Variants in ZNF407 observed in about 807,000 individuals in gnomAD.
ZNF407 encodes zinc finger protein 407.
In ZNF407, 17 loss-of-function variants were observed where a neutral mutation model predicts 131.2. That is an observed-to-expected ratio of 0.13 (90% confidence interval 0.09 to 0.19). The LOEUF (loss-of-function observed/expected upper bound fraction) is 0.19. Among genes scored for constraint, ZNF407 ranks in the 10% least tolerant of loss-of-function variants. ZNF407 has a pLI of 1.00. For missense variants in ZNF407, 2,681 were observed against 2,830.6 expected, an observed-to-expected ratio of 0.95 and a Z score of 1.20; for synonymous variants, 1,156 against 1,062.0, an observed-to-expected ratio of 1.09 and a Z score of -1.72.
intron 4 of ZNF407, among the ~76,000 whole-genome samples, chr18:74,804,893 A>G (rs1352040184): frequency 1.3e-5 from 2 of 152,222 alleles, no homozygotes; most frequent in Non-Finnish European, 2.9e-5. Context: ...TGGCTGTGAC[A>G]GTTTGATTAG....
intron 7 of ZNF407, among the ~76,000 whole-genome samples, chr18:74,893,729 T>C (rs546771141): frequency 1.1e-4 from 17 of 152,302 alleles, no homozygotes; most frequent in Middle Eastern, 3.4e-3. Context: ...AATAAGTCTT[T>C]AAGATGATCA....
intron 8 of ZNF407, among the ~76,000 whole-genome samples, chr18:74,952,862 A>G (rs1972231530): frequency 1.3e-5 from 2 of 152,198 alleles, no homozygotes. Context: ...GGCCGTGAAA[A>G]TGTGTTGGGA....
chr18:74,756,687 A>G (rs1968971198), intron 3 of ZNF407, among the ~76,000 whole-genome samples: 1 of 152,120 alleles, frequency 6.6e-6, no homozygotes, highest in Non-Finnish European at 1.5e-5. Flanking sequence ...GCTATTTTAA[A>G]TTCTTCAGGA....
intron 8 of ZNF407, among the ~76,000 whole-genome samples, chr18:74,923,866 T>C (rs1158147625): frequency 1.3e-5 from 2 of 152,194 alleles, no homozygotes; most frequent in African/African-American, 4.8e-5. Context: ...GTTTTTATCT[T>C]TTACATTAAA....
intron 4 of ZNF407, among the ~76,000 whole-genome samples, chr18:74,819,961 T>C (rs533928018): frequency 4.6e-5 from 7 of 152,212 alleles, no homozygotes; most frequent in East Asian, 3.9e-4. Flanking sequence ...CAGGGCTCCA[T>C]AGGTAATTAT....
chr18:74,989,842 CAA>C (rs34483149), intron 8 of ZNF407, among the ~76,000 whole-genome samples: 43 of 103,446 alleles, frequency 4.2e-4, no homozygotes, highest in African/African-American at 7.6e-4. Context: ...AACTCTGTCT[CAA>C]AAAAAAAAAA....
intron 8 of ZNF407, among the ~76,000 whole-genome samples, chr18:75,023,957 C>T (rs1373194425): frequency 3.9e-5 from 6 of 152,086 alleles, no homozygotes; most frequent in South Asian, 2.1e-4. Context: ...CTCTTCAGAA[C>T]GCACTGTGCT....
intron 3 of ZNF407, among the ~76,000 whole-genome samples, chr18:74,656,343 G>A (rs1252873797): frequency 6.6e-6 from 1 of 151,828 alleles, no homozygotes; most frequent in Non-Finnish European, 1.5e-5. Flanking sequence ...ATATGTTAGC[G>A]TTCACATACA....
chr18:74,858,579 G>A (rs117175546), intron 4 of ZNF407, among the ~76,000 whole-genome samples: 1,874 of 152,274 alleles, frequency 0.012, 30 homozygotes, highest in Non-Finnish European at 0.018. Context: ...TGTGGAGGAC[G>A]CAGTCTGGGG....
intron 8 of ZNF407, among the ~76,000 whole-genome samples, chr18:74,943,834 A>G (rs1972126628): frequency 6.6e-6 from 1 of 152,156 alleles, no homozygotes; most frequent in African/African-American, 2.4e-5. Context: ...TTAGTGTTGA[A>G]GAGTCACTAT....
intron 8 of ZNF407, among the ~76,000 whole-genome samples, chr18:74,942,304 A>G (rs1403843060): frequency 6.6e-6 from 1 of 152,206 alleles, no homozygotes; most frequent in African/African-American, 2.4e-5. Context: ...CCTTGGCTAT[A>G]GGAGGTCTTC....
intron 3 of ZNF407, among the ~76,000 whole-genome samples, chr18:74,721,994 T>C (rs1199006171): frequency 6.6e-6 from 1 of 152,144 alleles, no homozygotes. Context: ...TTATATGGTA[T>C]GAAGTTAGCT....
chr18:74,916,768 G>C (rs1207946564), intron 7 of ZNF407, among the ~76,000 whole-genome samples: 1 of 125,172 alleles, frequency 8.0e-6, no homozygotes, highest in African/African-American at 3.3e-5. Flanking sequence ...ATGCAGCATT[G>C]GTTCGAATCG....
At chr18:74,658,212 C>T (rs757332735) in intron 3 of ZNF407, among the ~76,000 whole-genome samples, 5 of 151,910 alleles carry the variant, frequency 3.3e-5, no homozygotes, top group South Asian at 4.2e-4. Context: ...TCCCGGGTTC[C>T]GGTTCAAGCA....
chr18:74,860,295 T>C (rs1029070548), intron 4 of ZNF407, among the ~76,000 whole-genome samples: 2 of 149,852 alleles, frequency 1.3e-5, no homozygotes, highest in South Asian at 2.1e-4. Context: ...AGACCCCATC[T>C]CTTAAAAAAA....
chr18:74,919,200 T>C (rs1971813653), intron 7 of ZNF407, among the ~76,000 whole-genome samples: 1 of 152,218 alleles, frequency 6.6e-6, no homozygotes, highest in Non-Finnish European at 1.5e-5. Flanking sequence ...CCGTATTCAC[T>C]GAGTCTTTGA....
At chr18:75,001,668 T>C (rs1004612700) in intron 8 of ZNF407, among the ~76,000 whole-genome samples, 2 of 152,234 alleles carry the variant, frequency 1.3e-5, no homozygotes, top group Non-Finnish European at 2.9e-5. Context: ...CAACCCTGTA[T>C]TTCTGTCAAT....
intron 3 of ZNF407, among the ~76,000 whole-genome samples, chr18:74,663,787 G>T (rs1248655839): frequency 6.6e-6 from 1 of 152,146 alleles, no homozygotes; most frequent in Non-Finnish European, 1.5e-5. Flanking sequence ...TTTTAGAGAG[G>T]ACCGAGAGGA....
chr18:75,029,284 A>G (rs927326634), intron 8 of ZNF407, among the ~76,000 whole-genome samples: 1 of 152,122 alleles, frequency 6.6e-6, no homozygotes, highest in African/African-American at 2.4e-5. Flanking sequence ...ACAATGTGTT[A>G]TGTTATTACA....
Sources: allele counts gnomAD v4.1 joint callset (sites outside exome capture counted in the v4.1 genomes callset), GRCh38; gene constraint gnomAD v4.1.1; transcripts MANE v1.5; gene names NCBI Gene and HGNC (gene_info 2026-07-23, HGNC 2026-07-21).